Variants in ELAPOR2 observed in about 807,000 individuals in gnomAD.
The protein encoded by ELAPOR2 is endosome-lysosome associated apoptosis and autophagy regulator family member 2, also known as endosome/lysosome-associated apoptosis and autophagy regulator family member 2.
A neutral mutation model predicts 120.7 loss-of-function variants in ELAPOR2; 89 were observed. The observed-to-expected ratio is 0.74, with a 90% CI of 0.62 to 0.88. ELAPOR2 has a LOEUF of 0.88. Among genes scored for constraint, ELAPOR2 ranks in the 40% least tolerant of loss-of-function variants. The pLI is 0.00. For missense variants in ELAPOR2, 1,134 were observed against 1,251.6 expected, an observed-to-expected ratio of 0.91 and a Z score of 1.42; for synonymous variants, 444 against 444.9, an observed-to-expected ratio of 1.00 and a Z score of 0.03.
chr7:86,900,875 C>T (rs951739521), intron 18 of ELAPOR2, among the ~76,000 whole-genome samples: 2 of 152,120 alleles, frequency 1.3e-5, no homozygotes, highest in African/African-American at 4.8e-5. Context: ...CTTTCTCCTA[C>T]CAAGAAAACA....
Position 86,908,508 on chromosome 7 carries a change from T to C in ELAPOR2, c.2395A>G (p.Ile799Val), listed in dbSNP as rs200747508. 3.4e-5 allele frequency: 53 copies of C among 1,580,154 alleles called. No individual in the cohort carries two copies. The highest frequency in any genetic ancestry group is 9.0e-5 in the Admixed American group (5 of 55,632). Residue 799 changes from isoleucine (I) to valine (V), a missense_variant, in exon 17 of 22, where the codon ATA (isoleucine) becomes GTA (valine). By Grantham distance (29) the Ile-to-Val change is conservative (BLOSUM62 3). Coordinates refer to ENST00000450689, the MANE Select transcript of ELAPOR2 (RefSeq NM_001142749.3). ...GGAACTGGGAACATATCTTCTTTTA[T>C]ATTAATATTTTTCAATGTGGTTTCA... ...TVETTLKNINIKEDMFPVPTS... is the reference protein window; with the variant it reads ...TVETTLKNINVKEDMFPVPTS...
intron 1 of ELAPOR2, among the ~76,000 whole-genome samples, chr7:87,038,413 A>G (rs1490515377): frequency 6.6e-6 from 1 of 152,238 alleles, no homozygotes; most frequent in African/African-American, 2.4e-5. Flanking sequence ...TATTATACTA[A>G]AAGCTTGTAT....
chr7:87,040,201 C>A (rs565750584), intron 1 of ELAPOR2, among the ~76,000 whole-genome samples: 3,463 of 152,356 alleles, frequency 0.023, 157 homozygotes, highest in African/African-American at 0.079. Flanking sequence ...GGGAGAGGCG[C>A]CCGCCATTGC....
chr7:87,024,268 C>T (rs1287295726), intron 1 of ELAPOR2, among the ~76,000 whole-genome samples: 1 of 152,124 alleles, frequency 6.6e-6, no homozygotes, highest in Non-Finnish European at 1.5e-5. Context: ...GAGTTTTTAG[C>T]ATGAAGCGTT....
intron 10 of ELAPOR2, among the ~76,000 whole-genome samples, chr7:86,924,590 G>T (rs1447475923): frequency 6.6e-6 from 1 of 151,536 alleles, no homozygotes; most frequent in East Asian, 1.9e-4. Context: ...TTTTTTAAGT[G>T]GGATTGTTGG....
At chr7:86,934,025 T>C (rs1034872863) in intron 8 of ELAPOR2, among the ~76,000 whole-genome samples, 3 of 152,032 alleles carry the variant, frequency 2.0e-5, no homozygotes, top group Non-Finnish European at 4.4e-5. Context: ...AAAACATACA[T>C]AAAAATTTCA....
chr7:87,059,343 C>T lies in ELAPOR2; in HGVS notation c.171G>A (p.Pro57=). The T allele has an allele frequency of 1.6e-6, 2 of 1,248,144 alleles. No individual in the cohort carries two copies. Among genetic ancestry groups the T allele is most frequent in the African/African-American group, 1.5e-5 (1 of 64,578 alleles). 77.3% of individuals were successfully genotyped at this position (1,248,144 alleles called of 1,614,324 possible). ...AGDLPSSSSR[P]LPPCQEKDYH... is the part of the protein sequence containing the mutation. Reference sequence around the variant, plus strand: ...TGCTCACCTCCTGGCAAGGAGGAAGCGGGCGGCTGGAGGAGGAGGGCAGGT... The same window carrying T: ...TGCTCACCTCCTGGCAAGGAGGAAGTGGGCGGCTGGAGGAGGAGGGCAGGT... The change falls in exon 1 of 22, where the codon CCG becomes CCA. Residue 57 remains proline, a synonymous_variant. Transcript: ENST00000450689.
At chr7:86,989,033 T>C (rs994537861) in intron 1 of ELAPOR2, among the ~76,000 whole-genome samples, 2 of 152,318 alleles carry the variant, frequency 1.3e-5, no homozygotes, top group African/African-American at 4.8e-5. Context: ...TATAAAACCA[T>C]AAGTAACTAT....
At chr7:86,916,315 G>C (rs889643242) in intron 12 of ELAPOR2, among the ~76,000 whole-genome samples, 7 of 152,164 alleles carry the variant, frequency 4.6e-5, no homozygotes, top group African/African-American at 1.7e-4. Flanking sequence ...TCTGAGAAAA[G>C]GTGAAGTTTG....
At chr7:87,002,550 C>T (rs1635017) in intron 1 of ELAPOR2, among the ~76,000 whole-genome samples, 57,351 of 151,804 alleles carry the variant, frequency 0.38, 11,663 homozygotes, top group African/African-American at 0.53. Flanking sequence ...TCATTTCCTC[C>T]ATGAAGGCAC....
intron 18 of ELAPOR2, 135 bp downstream of exon 18, chr7:86,907,535 A>C (rs993557444): frequency 9.1e-6 from 3 of 329,920 alleles, no homozygotes; most frequent in Non-Finnish European, 4.8e-6. Context: ...ATTCCCTACA[A>C]AAAAAAAAAA....
At chr7:87,024,568 G>A (rs1794179862) in intron 1 of ELAPOR2, among the ~76,000 whole-genome samples, 2 of 152,012 alleles carry the variant, frequency 1.3e-5, no homozygotes, top group African/African-American at 2.4e-5. Context: ...TCAGGATGAC[G>A]CTGGCCTCAT....
chr7:86,938,819 G>A lies in ELAPOR2; in HGVS notation c.989C>T (p.Ser330Phe). 1 of 1,613,066 alleles carries A rather than the reference G, an allele frequency of 6.2e-7. No homozygotes were observed. The highest frequency in any genetic ancestry group is 8.5e-7 in the Non-Finnish European group (1 of 1,179,266). The change falls in exon 7 of 22, where the codon TCT becomes TTT. Residue 330 changes from serine to phenylalanine, a missense_variant. This residue lies in a region of ELAPOR2 where 831 missense variants were observed against 867.6 expected (regional missense o/e 0.96). Coordinates refer to ENST00000450689, the MANE Select transcript of ELAPOR2 (RefSeq NM_001142749.3). ...TAAACTAGTTCTACCTGAAAATTGA[G>A]AGTCGTCTTTACACCTTATACATTC... ...AKECIRCKDD[S>F]QFSEEGSSEC... is the part of the protein sequence containing the mutation.
chr7:87,031,084 C>G (rs1466157589), intron 1 of ELAPOR2, among the ~76,000 whole-genome samples: 1 of 152,244 alleles, frequency 6.6e-6, no homozygotes, highest in East Asian at 1.9e-4. Flanking sequence ...AATTATCTCC[C>G]ACCTGGTCCC....
intron 16 of ELAPOR2, 133 bp downstream of exon 16, chr7:86,909,679 T>C (rs980251431): frequency 4.3e-5 from 32 of 747,276 alleles, no homozygotes; most frequent in Non-Finnish European, 6.5e-5. Flanking sequence ...TTAACCATCT[T>C]ACAAAGTGAC....
chr7:86,941,844 T>G (rs1790807387), intron 5 of ELAPOR2, among the ~76,000 whole-genome samples, 174 bp downstream of exon 5: 1 of 151,966 alleles, frequency 6.6e-6, no homozygotes, highest in Non-Finnish European at 1.5e-5. Flanking sequence ...TAGGGGTAAT[T>G]TTTTCCGTAA....
Position 87,037,106 on chromosome 7 carries a change from G to C in ELAPOR2, c.189+22219C>G, listed in dbSNP as rs78820772. ...TCCTCAAATGCTTCTCACTCTGCTT[G>C]CTTCTTAAATGCTGTTGTTTCCCTA... On this transcript the variant is annotated intron_variant, in intron 1 of 21. Transcript: ENST00000450689. Among the ~76,000 whole-genome samples the C allele has an allele frequency of 2.6e-3, 392 of 151,908 alleles. 1 individual carries two copies. The highest frequency in any genetic ancestry group is 9.1e-3 in the African/African-American group (378 of 41,404).
intron 1 of ELAPOR2, among the ~76,000 whole-genome samples, chr7:87,033,612 T>C (rs994836543): frequency 6.6e-6 from 1 of 152,132 alleles, no homozygotes; most frequent in Non-Finnish European, 1.5e-5. Context: ...TATGACATTT[T>C]TTCCAAATAA....
Position 86,909,819 on chromosome 7 carries a change from T to A in ELAPOR2, c.2352A>T (p.Thr784=). The part of the protein sequence containing the change: ...LSSQSIILAD[T]FIGVTVETTL... ...GAACCAAAGGAAGCTTACCTATGAA[T>A]GTATCTGCCAGAATGATGGATTGTG... The change falls in exon 16 of 22, where the codon ACA becomes ACT. Residue 784 remains threonine, a synonymous_variant. Transcript: ENST00000450689. 6.2e-7 allele frequency: 1 copy of A among 1,607,788 alleles called. No individual in the cohort carries two copies. Among genetic ancestry groups the A allele is most frequent in the Non-Finnish European group, 8.5e-7 (1 of 1,177,170 alleles).
Sources: gnomAD v4.1 joint callset for allele counts (sites outside exome capture counted in the v4.1 genomes callset) on GRCh38, gnomAD v4.1.1 for gene constraint, gnomAD v4.1.1 regional missense constraint, MANE v1.5 for transcripts, NCBI Gene and HGNC (gene_info 2026-07-23, HGNC 2026-07-21) for gene names.